PAX7: variants seen among roughly 807,000 people sequenced by gnomAD.
PAX7 encodes the protein paired box protein Pax-7.
Under a neutral mutation model 50.7 loss-of-function variants are expected in PAX7, and 18 were observed. The observed-to-expected ratio is 0.36, with a 90% CI of 0.25 to 0.53. The LOEUF is 0.53. Ranked by LOEUF, PAX7 falls within the 20% of genes least tolerant of loss-of-function variation. The pLI is 0.93. For synonymous variants in PAX7, 310 were observed against 290.4 expected (o/e 1.07, Z -0.69); for missense variants, 644 against 702.9 (o/e 0.92, Z 0.95).
At chr1:18,730,268 T>C (rs564057471) in intron 7 of PAX7, among the ~76,000 whole-genome samples, 9 of 152,316 alleles carry the variant, frequency 5.9e-5, no homozygotes, top group Admixed American at 5.2e-4. Flanking sequence ...TCGCAGTTAG[T>C]CAGGGCAGAT....
At chr1:18,667,828 A>G (rs954387139) in intron 4 of PAX7, among the ~76,000 whole-genome samples, 5 of 152,068 alleles carry the variant, frequency 3.3e-5, no homozygotes, top group Admixed American at 3.3e-4. Context: ...ATGAAGGTCC[A>G]ATCTTTGCTT....
In PAX7 at chr1:18,745,151, C is replaced by T. The variant is rs1401621004; in HGVS notation, c.*222C>T. The T allele has an allele frequency of 7.0e-6, 4 of 567,688 alleles. No homozygotes were observed. Among genetic ancestry groups the T allele is most frequent in the East Asian group, 2.9e-5 (1 of 34,404 alleles). The allele number at this position is 567,688 out of a possible 1,614,324, so 35.2% of individuals were successfully genotyped here. A position where few individuals can be genotyped will look rare whatever the true frequency, so the allele number is the denominator to read the frequency against. ...CTTGGAGTCTGCTCCCCACTTTCCC[C>T]AAGGAGGGTTTCTGGTCAGCCTGAG... is the stretch of plus-strand genomic sequence containing the variant. On this transcript the variant is annotated 3_prime_UTR_variant, in exon 9 of 9. Coordinates refer to ENST00000420770, the MANE Select transcript of PAX7 (RefSeq NM_001135254.2).
At chr1:18,710,156 C>T (rs937162210) in intron 7 of PAX7, among the ~76,000 whole-genome samples, 1 of 152,236 alleles carries the variant, frequency 6.6e-6, no homozygotes, top group African/African-American at 2.4e-5. Context: ...TCCAGCCCCA[C>T]AGCAACCCTA....
chr1:18,746,975 C>T lies in PAX7; in HGVS notation c.*2046C>T, dbSNP rs1403001294. On this transcript the variant is annotated 3_prime_UTR_variant, in exon 9 of 9. Transcript: ENST00000420770. ...ACCAAGGTTGCAACTGGAGCGTCCA[C>T]TGCCAGAGACCTTTGGCTCTTCAAG... 8.6e-6 allele frequency: 2 copies of T among 231,412 alleles called. No individual in the cohort carries two copies. Among genetic ancestry groups the T allele is most frequent in the Admixed American group, 5.6e-5 (1 of 17,734 alleles). 14.3% of individuals were successfully genotyped at this position (231,412 alleles called of 1,614,324 possible). A position where few individuals can be genotyped will look rare whatever the true frequency, so the allele number is the denominator to read the frequency against.
intron 4 of PAX7, among the ~76,000 whole-genome samples, chr1:18,656,413 C>A (rs2088522520): frequency 1.3e-5 from 2 of 151,868 alleles, no homozygotes; most frequent in South Asian, 2.1e-4. Context: ...GCACGAGAAT[C>A]ACTCGAACCT....
chr1:18,642,747 A>G, intron 4 of PAX7, among the ~76,000 whole-genome samples: 1 of 140,698 alleles, frequency 7.1e-6, no homozygotes, highest in East Asian at 2.5e-4. Flanking sequence ...AGGGGGAGGG[A>G]GGGAGGGAAC....
At chr1:18,680,125 G>T (rs758377713) in intron 4 of PAX7, among the ~76,000 whole-genome samples, 2 of 152,132 alleles carry the variant, frequency 1.3e-5, no homozygotes, top group Non-Finnish European at 2.9e-5. Flanking sequence ...TACTTTCCTA[G>T]GTTAGTGGGG....
rs971469606 is a variant in PAX7, at chr1:18,747,998, G to A, written c.*3069G>A. ...CTCTCTTGCTATATAAAGAAAAAAA[G>A]AAGTGATGTGTAAGAACCAAGCTAT... On this transcript the variant is annotated 3_prime_UTR_variant, in exon 9 of 9. Transcript: ENST00000420770. 4.9e-6 allele frequency: 1 copy of A among 202,300 alleles called. No homozygotes were observed. Among genetic ancestry groups the A allele is most frequent in the Non-Finnish European group, 1.0e-5 (1 of 98,584 alleles). The allele number at this position is 202,300 out of a possible 1,614,324, so 12.5% of individuals were successfully genotyped here. A position where few individuals can be genotyped will look rare whatever the true frequency, so the allele number is the denominator to read the frequency against.
At chr1:18,668,579 T>C (rs1369674015) in intron 4 of PAX7, among the ~76,000 whole-genome samples, 2 of 152,084 alleles carry the variant, frequency 1.3e-5, no homozygotes, top group Non-Finnish European at 2.9e-5. Flanking sequence ...TGGCATGTAC[T>C]TGTGGTCCCA....
At chr1:18,647,647 A>G (rs1393852962) in intron 4 of PAX7, among the ~76,000 whole-genome samples, 1 of 152,162 alleles carries the variant, frequency 6.6e-6, no homozygotes, top group African/African-American at 2.4e-5. Context: ...GTAGGCTAGG[A>G]AGCGTAAATG....
intron 5 of PAX7, among the ~76,000 whole-genome samples, chr1:18,699,930 C>T (rs2100318935): frequency 6.6e-6 from 1 of 152,274 alleles, no homozygotes; most frequent in Non-Finnish European, 1.5e-5. Flanking sequence ...AGCAACTTGA[C>T]CTCTGTGAGC....
intron 8 of PAX7, 72 bp from the exon 9 acceptor site, chr1:18,744,738 ATGGG>A (rs1399488992): frequency 6.6e-6 from 5 of 753,330 alleles, no homozygotes; most frequent in African/African-American, 1.7e-5. Context: ...GGATGGATGG[ATGGG>A]TGTAGATAGA....
chr1:18,722,222 G>A (rs528604857), intron 7 of PAX7, among the ~76,000 whole-genome samples: 4 of 152,244 alleles, frequency 2.6e-5, no homozygotes, highest in East Asian at 1.9e-4. Flanking sequence ...TAATCAGAGC[G>A]GGGGGCCCAG....
chr1:18,693,564 G>A (rs926050922), intron 5 of PAX7, among the ~76,000 whole-genome samples: 9 of 152,192 alleles, frequency 5.9e-5, no homozygotes, highest in African/African-American at 2.2e-4. Flanking sequence ...AGCACTCCAG[G>A]ACCCAGCGGA....
intron 4 of PAX7, among the ~76,000 whole-genome samples, chr1:18,677,031 G>A (rs1216705532): frequency 1.3e-5 from 2 of 152,240 alleles, no homozygotes; most frequent in Non-Finnish European, 2.9e-5. Flanking sequence ...GCTCCTGGGG[G>A]ATGCCCCTCT....
In PAX7 at chr1:18,745,027, G is replaced by A. The variant is rs551005596; in HGVS notation, c.*98G>A. 1 of 718,148 alleles carries A rather than the reference G, an allele frequency of 1.4e-6. No homozygotes were observed. The highest frequency in any genetic ancestry group is 1.8e-5 in the African/African-American group (1 of 55,978). 44.5% of individuals were successfully genotyped at this position (718,148 alleles called of 1,614,324 possible). On this transcript the variant is annotated 3_prime_UTR_variant, in exon 9 of 9. Coordinates refer to ENST00000420770, the MANE Select transcript of PAX7 (RefSeq NM_001135254.2). ...CCGCCTCACCCCCCTGTTGTCCTAGGAGGCCAGGAAAGGAGCCCACCTGCT... is the reference window on the plus strand; with the variant it reads ...CCGCCTCACCCCCCTGTTGTCCTAGAAGGCCAGGAAAGGAGCCCACCTGCT...
chr1:18,645,570 G>C (rs889421153), intron 4 of PAX7, among the ~76,000 whole-genome samples: 3 of 152,220 alleles, frequency 2.0e-5, no homozygotes, highest in Non-Finnish European at 2.9e-5. Flanking sequence ...GGACAGCTAC[G>C]GCTGCGGGCT....
intron 7 of PAX7, among the ~76,000 whole-genome samples, chr1:18,725,264 T>C (rs2089544389): frequency 6.7e-6 from 1 of 148,190 alleles, no homozygotes; most frequent in Admixed American, 6.8e-5. Flanking sequence ...CCAGAGCCAA[T>C]CTGCATCCTC....
chr1:18,711,156 C>G (rs1260222025), intron 7 of PAX7, among the ~76,000 whole-genome samples: 2 of 152,222 alleles, frequency 1.3e-5, no homozygotes, highest in Non-Finnish European at 2.9e-5. Context: ...CCTGTGCCAA[C>G]AAGCAGCCGT....
Sources: allele counts gnomAD v4.1 joint callset (sites outside exome capture counted in the v4.1 genomes callset), GRCh38; gene constraint gnomAD v4.1.1; transcripts MANE v1.5; gene names NCBI Gene and HGNC (gene_info 2026-07-23, HGNC 2026-07-21).